The following TMEM132C variants were observed in gnomAD, a reference collection of about 807,000 sequenced individuals.
The protein encoded by TMEM132C is protein phosphatase 1, regulatory subunit 152.
Under a neutral mutation model 61.4 loss-of-function variants are expected in TMEM132C, and 29 were observed. That is an observed-to-expected ratio of 0.47 (90% CI 0.35 to 0.64). TMEM132C has a LOEUF of 0.64. TMEM132C is among the 30% of genes least tolerant of loss of function. The pLI is 0.00. For synonymous variants in TMEM132C, 656 were observed against 633.1 expected, an observed-to-expected ratio of 1.04 and a Z score of -0.54; for missense variants, 1,408 against 1,476.9, an observed-to-expected ratio of 0.95 and a Z score of 0.76.
intron 1 of TMEM132C, among the ~76,000 whole-genome samples, chr12:128,303,837 A>C (rs1399808847): frequency 6.6e-6 from 1 of 152,062 alleles, no homozygotes. Flanking sequence ...CTGAGCTCAG[A>C]CCTCAGGAGG....
chr12:128,567,749 A>G (rs1874751473), intron 3 of TMEM132C, among the ~76,000 whole-genome samples: 1 of 152,156 alleles, frequency 6.6e-6, no homozygotes, highest in African/African-American at 2.4e-5. Flanking sequence ...TGACCTTTCC[A>G]AGCTCGAGTC....
At chr12:128,400,821 G>T (rs1425359565) in intron 1 of TMEM132C, among the ~76,000 whole-genome samples, 1 of 151,890 alleles carries the variant, frequency 6.6e-6, no homozygotes, top group Admixed American at 6.6e-5. Context: ...TGTTGGCCAG[G>T]CTGGTCTCAA....
At chr12:128,276,574 A>G (rs755625046) in intron 1 of TMEM132C, among the ~76,000 whole-genome samples, 78 of 152,286 alleles carry the variant, frequency 5.1e-4, no homozygotes, top group Non-Finnish European at 9.8e-4. Flanking sequence ...TCTCAGAGTC[A>G]TGAAAACCAT....
At chr12:128,434,970 G>C (rs926660251) in intron 2 of TMEM132C, among the ~76,000 whole-genome samples, 5 of 152,062 alleles carry the variant, frequency 3.3e-5, no homozygotes, top group Non-Finnish European at 4.4e-5. Flanking sequence ...GGGTTGAATT[G>C]TGTCTCTCAA....
chr12:128,270,866 A>G (rs1298683288), intron 1 of TMEM132C, among the ~76,000 whole-genome samples: 6 of 152,114 alleles, frequency 3.9e-5, no homozygotes, highest in Admixed American at 3.3e-4. Context: ...TCTATACCCA[A>G]ATTTCTTTAC....
At chr12:128,697,909 T>C (rs1401825379) in intron 8 of TMEM132C, among the ~76,000 whole-genome samples, 2 of 152,338 alleles carry the variant, frequency 1.3e-5, no homozygotes, top group East Asian at 1.9e-4. Context: ...CTGTTGCTTT[T>C]ACCTGAGACA....
At chr12:128,691,673 A>G (rs888203941) in intron 5 of TMEM132C, among the ~76,000 whole-genome samples, 3 of 152,018 alleles carry the variant, frequency 2.0e-5, no homozygotes, top group African/African-American at 7.3e-5. Context: ...CCACCCATCC[A>G]TTCATGTGTC....
chr12:128,670,418 A>AT (rs1157995643), intron 5 of TMEM132C, among the ~76,000 whole-genome samples: 4 of 152,164 alleles, frequency 2.6e-5, no homozygotes, highest in African/African-American at 9.7e-5. Flanking sequence ...CTTTTGACCA[A>AT]TATCTGCACA....
At chr12:128,528,555 A>C (rs1873173258) in intron 2 of TMEM132C, among the ~76,000 whole-genome samples, 1 of 152,112 alleles carries the variant, frequency 6.6e-6, no homozygotes, top group African/African-American at 2.4e-5. Flanking sequence ...CCTGCCTTGG[A>C]ACAGAGTTTC....
At position 128,629,201 on chromosome 12, in the gene TMEM132C, C is replaced by T. The variant is rs550579016; in HGVS notation, c.1305+12866C>T. On this transcript the variant is annotated intron_variant, in intron 4 of 8. Coordinates refer to ENST00000435159, the MANE Select transcript of TMEM132C (RefSeq NM_001136103.3). ...TTCTATACGTGGCCCTTTGTTCAGCCTTTGTTAATCTTAAGAATAAAAAAA... is the reference window on the plus strand; with the variant it reads ...TTCTATACGTGGCCCTTTGTTCAGCTTTTGTTAATCTTAAGAATAAAAAAA... Among the ~76,000 whole-genome samples, 5 of 152,258 alleles carry T rather than the reference C, an allele frequency of 3.3e-5. No individual in the cohort carries two copies. In the East Asian group the frequency reaches 9.7e-4, roughly 29 times the overall value.
chr12:128,285,637 TTCTC>T (rs140507851), intron 1 of TMEM132C, among the ~76,000 whole-genome samples: 2 of 131,984 alleles, frequency 1.5e-5, no homozygotes, highest in Non-Finnish European at 3.2e-5. Flanking sequence ...GACATATTCA[TTCTC>T]TCTCTCTCTC....
At chr12:128,379,799 G>C (rs1303818236) in intron 1 of TMEM132C, among the ~76,000 whole-genome samples, 1 of 152,180 alleles carries the variant, frequency 6.6e-6, no homozygotes, top group African/African-American at 2.4e-5. Flanking sequence ...GCTTGGGCAT[G>C]GACATATGCT....
chr12:128,569,769 A>C (rs193237936), intron 3 of TMEM132C, among the ~76,000 whole-genome samples: 108 of 152,316 alleles, frequency 7.1e-4, no homozygotes, highest in Admixed American at 1.3e-4. Flanking sequence ...ACTTAGCCAC[A>C]CTGGGCTTGG....
rs1873029975 is a variant in TMEM132C at position 128,524,809 on chromosome 12, G to A, written c.975-19148G>A. On this transcript the variant is annotated intron_variant, in intron 2 of 8. Transcript: ENST00000435159. ...CTCTGTAAAGATGTGGACGGACTTA[G>A]GGTATAAATGCCAGCCGTCCACTCA... Among the ~76,000 whole-genome samples, 4 of 152,170 alleles carry A rather than the reference G, an allele frequency of 2.6e-5. No homozygotes were observed. The South Asian group carries it at 8.3e-4, about 32-fold the overall frequency.
rs1954837734 is a variant in TMEM132C, at chr12:128,706,073, G to A, written c.3105G>A (p.Gln1035=). The A allele has an allele frequency of 6.4e-7, 1 of 1,551,560 alleles. No individual in the cohort carries two copies. The highest frequency in any genetic ancestry group is 8.7e-7 in the Non-Finnish European group (1 of 1,146,976). The stretch of plus-strand genomic sequence containing the variant: ...GGTCAGCCGACTCCGGGGGGCGGCA[G>A]GGCAGAGAACAGAAGCAGGACCCCC... ...IHRSADSGGR[Q]GREQKQDPLH... Residue 1035 remains glutamine (Q), a synonymous_variant, in exon 9 of 9, where the codon CAG becomes CAA. Coordinates refer to ENST00000435159, the MANE Select transcript of TMEM132C (RefSeq NM_001136103.3).
chr12:128,671,696 C>G (rs549982053), intron 5 of TMEM132C, among the ~76,000 whole-genome samples: 392 of 152,320 alleles, frequency 2.6e-3, no homozygotes, highest in Middle Eastern at 0.01. Context: ...TCAGCGCCAC[C>G]ATCACACAGC....
At chr12:128,499,934 C>G (rs1253249219) in intron 2 of TMEM132C, among the ~76,000 whole-genome samples, 3 of 152,148 alleles carry the variant, frequency 2.0e-5, no homozygotes, top group African/African-American at 7.2e-5. Flanking sequence ...TATAATTGTT[C>G]TATTTTTAGT....
intron 2 of TMEM132C, among the ~76,000 whole-genome samples, chr12:128,456,325 A>G: frequency 8.4e-6 from 1 of 119,172 alleles, no homozygotes; most frequent in East Asian, 2.6e-4. Context: ...ATAATTTACT[A>G]CATTAAATTG....
intron 1 of TMEM132C, among the ~76,000 whole-genome samples, chr12:128,361,873 A>G (rs1873717677): frequency 6.6e-6 from 1 of 152,108 alleles, no homozygotes. Flanking sequence ...TAGGAAACAA[A>G]TGTGAATCAC....
Sources: gnomAD v4.1 joint callset for allele counts (sites outside exome capture counted in the v4.1 genomes callset) on GRCh38, gnomAD v4.1.1 for gene constraint, MANE v1.5 for transcripts, NCBI Gene and HGNC (gene_info 2026-07-23, HGNC 2026-07-21) for gene names.